The following USH2A variants were observed in gnomAD, a reference collection of about 807,000 sequenced individuals.
USH2A encodes the protein Usher syndrome 2A (autosomal recessive, mild).
USH2A carries 443 observed loss-of-function variants against 538.9 expected under a neutral mutation model. The observed-to-expected ratio is 0.82, with a 90% CI of 0.76 to 0.89. The LOEUF (loss-of-function observed/expected upper bound fraction) is 0.89. Among genes scored for constraint, USH2A ranks in the 40% least tolerant of loss-of-function variants. USH2A has a pLI of 0.00. For synonymous variants in USH2A, 2,413 were observed against 2,273.5 expected (o/e 1.06, Z -1.75); for missense variants, 6,633 against 6,324.8 (o/e 1.05, Z -1.65).
At chr1:216,134,882 CTTTAGGG>C (rs545369516) in intron 21 of USH2A, among the ~76,000 whole-genome samples, 10 of 152,022 alleles carry the variant, frequency 6.6e-5, no homozygotes, top group Non-Finnish European at 1.2e-4. Context: ...CCAAAGTGAG[CTTTAGGG>C]TGAGGATCAC....
intron 61 of USH2A, among the ~76,000 whole-genome samples, chr1:215,704,746 C>T (rs1376374954): frequency 6.6e-6 from 1 of 152,270 alleles, no homozygotes; most frequent in Non-Finnish European, 1.5e-5. Flanking sequence ...CCCTTCTATG[C>T]CTGGAAAGGA....
chr1:215,632,463 A>G (rs1656313248), intron 70 of USH2A, among the ~76,000 whole-genome samples: 1 of 152,168 alleles, frequency 6.6e-6, no homozygotes, highest in Non-Finnish European at 1.5e-5. Flanking sequence ...CCAAGTAAGG[A>G]AGACAGTGTT....
chr1:215,990,635 C>T (rs57862104), intron 35 of USH2A, among the ~76,000 whole-genome samples: 6,149 of 151,846 alleles, frequency 0.04, 410 homozygotes, highest in African/African-American at 0.14. Context: ...GGAAAGTTTA[C>T]TTTAAACTTA....
chr1:216,151,970 C>A (rs1335165551), intron 21 of USH2A, among the ~76,000 whole-genome samples: 1 of 152,094 alleles, frequency 6.6e-6, no homozygotes, highest in East Asian at 1.9e-4. Context: ...CAGGCCATCA[C>A]CAATCATTCT....
At chr1:216,241,794 A>G (rs1009010093) in intron 13 of USH2A, among the ~76,000 whole-genome samples, 3 of 152,074 alleles carry the variant, frequency 2.0e-5, no homozygotes. Context: ...TCAGCCTCTC[A>G]GTGCTGGGGT....
chr1:215,761,998 C>T (rs1337294221), intron 56 of USH2A, among the ~76,000 whole-genome samples: 1 of 152,056 alleles, frequency 6.6e-6, no homozygotes, highest in Non-Finnish European at 1.5e-5. Context: ...GAACAAAATG[C>T]AATTTATTTA....
At chr1:216,314,616 T>A (rs1042764619) in intron 9 of USH2A, among the ~76,000 whole-genome samples, 4 of 152,126 alleles carry the variant, frequency 2.6e-5, no homozygotes, top group Non-Finnish European at 5.9e-5. Context: ...GAAATATTCA[T>A]TTATATAATA....
chr1:215,654,582 G>T (rs972184415), intron 64 of USH2A, among the ~76,000 whole-genome samples: 1 of 152,180 alleles, frequency 6.6e-6, no homozygotes, highest in African/African-American at 2.4e-5. Flanking sequence ...AGTTAGGACT[G>T]ACTGACTTGT....
intron 44 of USH2A, among the ~76,000 whole-genome samples, chr1:215,857,015 G>GT (rs1159093914): frequency 2.0e-5 from 3 of 152,076 alleles, no homozygotes; most frequent in Non-Finnish European, 4.4e-5. Context: ...GAGCTAAACT[G>GT]TAAGGATGCA....
intron 4 of USH2A, among the ~76,000 whole-genome samples, chr1:216,347,623 G>A (rs949874671): frequency 6.6e-6 from 1 of 152,010 alleles, no homozygotes; most frequent in African/African-American, 2.4e-5. Context: ...CAAAATTATG[G>A]GAAAGTCCTG....
chr1:216,232,480 C>T (rs2035719091), intron 13 of USH2A, among the ~76,000 whole-genome samples: 1 of 152,120 alleles, frequency 6.6e-6, no homozygotes, highest in South Asian at 2.1e-4. Context: ...CACTGAGGTA[C>T]CTTTGGTAGG....
At chr1:215,760,810 C>T (rs948497236) in intron 56 of USH2A, among the ~76,000 whole-genome samples, 2 of 152,156 alleles carry the variant, frequency 1.3e-5, no homozygotes, top group African/African-American at 4.8e-5. Flanking sequence ...TGGTCCAAGC[C>T]ACGTTTCTCT....
At chr1:215,738,287 T>C (rs529606951) in intron 60 of USH2A, among the ~76,000 whole-genome samples, 2 of 152,252 alleles carry the variant, frequency 1.3e-5, no homozygotes, top group South Asian at 4.1e-4. Context: ...GTCTTGTCTA[T>C]ACTCAGTCAA....
At chr1:215,876,758 C>T (rs182631546) in intron 43 of USH2A, among the ~76,000 whole-genome samples, 21 of 152,164 alleles carry the variant, frequency 1.4e-4, no homozygotes, top group Middle Eastern at 3.4e-3. Flanking sequence ...CAGGCTAAGA[C>T]GTGGCAGATG....
At chr1:216,045,422 C>G (rs993445517) in intron 32 of USH2A, among the ~76,000 whole-genome samples, 1 of 152,114 alleles carries the variant, frequency 6.6e-6, no homozygotes, top group Non-Finnish European at 1.5e-5. Context: ...GGCAGATATA[C>G]TATGTTTCCT....
At position 216,289,856 on chromosome 1, in the gene USH2A, G is replaced by T. The variant is rs370065517; in HGVS notation, c.1841-446C>A. On this transcript the variant is annotated intron_variant, in intron 10 of 71. Transcript: ENST00000307340. The stretch of plus-strand genomic sequence containing the variant: ...TAGAACTCAATCATGTAAAATGGGA[G>T]ACTTCTCTTAATATAATTTATTATT... Among the ~76,000 whole-genome samples the T allele has an allele frequency of 2.4e-4, 37 of 152,154 alleles. 3 individuals carry two copies. The highest frequency in any genetic ancestry group is 8.9e-4 in the African/African-American group (37 of 41,550).
chr1:216,130,080 T>C (rs967667572), intron 21 of USH2A, among the ~76,000 whole-genome samples: 1 of 152,058 alleles, frequency 6.6e-6, no homozygotes, highest in Non-Finnish European at 1.5e-5. Flanking sequence ...AAGACTCAAA[T>C]GTAAGACCAG....
In USH2A at chr1:216,089,019, A is replaced by G. The variant is rs1185411693; in HGVS notation, c.4879T>C (p.Tyr1627His). 6.2e-7 allele frequency: 1 copy of G among 1,613,320 alleles called. No homozygotes were observed. Among genetic ancestry groups the G allele is most frequent in the African/African-American group, 1.3e-5 (1 of 74,886 alleles). ...AFGQITLDGI[Y>H]TGSSAILNGS... ...CATATCAAAAAGTACTTACCTGTAT[A>G]TATCCCATCCAGAGTGATTTGGCCA... Residue 1627 changes from tyrosine to histidine, a missense_variant, in exon 23 of 72, where the codon TAT (tyrosine) becomes CAT (histidine). Tyr to His is a moderately conservative substitution (Grantham distance 83). Transcript: ENST00000307340.
intron 38 of USH2A, among the ~76,000 whole-genome samples, chr1:215,913,992 C>A (rs1558158873): frequency 6.6e-6 from 1 of 151,058 alleles, no homozygotes; most frequent in Non-Finnish European, 1.5e-5. Context: ...GAAAACAAAG[C>A]TGAATAATGA....
Sources: gnomAD v4.1 joint callset for allele counts (sites outside exome capture counted in the v4.1 genomes callset) on GRCh38, gnomAD v4.1.1 for gene constraint, MANE v1.5 for transcripts, NCBI Gene and HGNC (gene_info 2026-07-23, HGNC 2026-07-21) for gene names.